Variants in DOCK1 observed in about 807,000 individuals in gnomAD.
The protein encoded by DOCK1 is dedicator of cytokinesis protein 1.
In DOCK1, 138 loss-of-function variants were observed where a neutral mutation model predicts 262.7. That is an observed-to-expected ratio of 0.53 (90% CI 0.46 to 0.61). The LOEUF (loss-of-function observed/expected upper bound fraction) is 0.61, where lower values mean the gene tolerates loss of function less well. DOCK1 is among the 20% of genes least tolerant of loss of function. The pLI, the probability that DOCK1 is intolerant of heterozygous loss-of-function variation, is 0.00. For synonymous variants in DOCK1, 866 were observed against 867.4 expected (o/e 1.00, Z 0.03); for missense variants, 1,908 against 2,370.7 (o/e 0.80, Z 4.05).
intron 22 of DOCK1, among the ~76,000 whole-genome samples, chr10:127,056,347 GGCAGGTGCCA>G (rs1048866064): frequency 2.2e-4 from 33 of 152,246 alleles, no homozygotes; most frequent in African/African-American, 7.0e-4. Context: ...TAGGACTACA[GGCAGGTGCCA>G]GCATGCCTGG....
At chr10:127,141,549 A>G (rs1020205313) in intron 27 of DOCK1, among the ~76,000 whole-genome samples, 19 of 152,164 alleles carry the variant, frequency 1.2e-4, no homozygotes, top group Non-Finnish European at 2.6e-4. Flanking sequence ...CTAAAAATAT[A>G]AAGTTTAGCT....
At chr10:127,024,934 ACC>A in intron 15 of DOCK1, 151 bp downstream of exon 15, 2 of 596,680 alleles carry the variant, frequency 3.4e-6, no homozygotes, top group Non-Finnish European at 5.8e-6. Context: ...TTGCTAAGGA[ACC>A]ACACTGGTGT....
chr10:126,999,404 A>G lies in DOCK1; in HGVS notation c.818A>G (p.Asp273Gly). ...AGTTCAGGATTACCTAAAGACATAG[A>G]CAGATTACATAATTTGCGAGCCGTG... ...WSSSGLPKDI[D>G]RLHNLRAVFT... is the part of the protein sequence containing the mutation. Residue 273 changes from aspartate (D) to glycine (G), a missense_variant, in exon 9 of 52, where the codon GAC becomes GGC. By Grantham distance (94) the Asp-to-Gly change is moderately conservative (BLOSUM62 -1). Transcript: ENST00000623213. 1 of 1,613,548 alleles carries G rather than the reference A, an allele frequency of 6.2e-7. No homozygotes were observed. Among genetic ancestry groups the G allele is most frequent in the Non-Finnish European group, 8.5e-7 (1 of 1,179,716 alleles).
chr10:127,366,748 C>A (rs1327141009), intron 33 of DOCK1, among the ~76,000 whole-genome samples: 1 of 152,200 alleles, frequency 6.6e-6, no homozygotes, highest in Non-Finnish European at 1.5e-5. Flanking sequence ...CTTCTCCATC[C>A]ACGAGCTTCT....
intron 33 of DOCK1, among the ~76,000 whole-genome samples, chr10:127,373,460 G>T (rs2065317514): frequency 6.7e-6 from 1 of 148,986 alleles, no homozygotes; most frequent in South Asian, 2.2e-4. Context: ...TGAAGTTTGA[G>T]ACTTTTTTTC....
chr10:127,331,808 A>G (rs1200743330), intron 29 of DOCK1, among the ~76,000 whole-genome samples: 5 of 152,166 alleles, frequency 3.3e-5, no homozygotes, highest in Non-Finnish European at 7.4e-5. Flanking sequence ...TGGGTGGTAT[A>G]CACGATGTGG....
intron 1 of DOCK1, among the ~76,000 whole-genome samples, chr10:126,965,889 C>T (rs1205149410): frequency 1.3e-5 from 2 of 152,104 alleles, no homozygotes; most frequent in African/African-American, 4.8e-5. Context: ...ATCTTCCTTC[C>T]AGCCATTTAA....
intron 1 of DOCK1, among the ~76,000 whole-genome samples, chr10:126,914,756 G>A (rs188219777): frequency 1.3e-5 from 2 of 152,302 alleles, no homozygotes; most frequent in Admixed American, 6.5e-5. Context: ...GCTAGCTGCT[G>A]TAACAAACAG....
intron 1 of DOCK1, among the ~76,000 whole-genome samples, chr10:126,948,264 AGT>A: frequency 8.5e-5 from 2 of 23,520 alleles, no homozygotes; most frequent in African/African-American, 3.1e-4. Context: ...GGTGGTTGGT[AGT>A]ATTACTGTTG....
chr10:126,940,570 A>AT (rs2034908422), intron 1 of DOCK1, among the ~76,000 whole-genome samples: 2 of 151,998 alleles, frequency 1.3e-5, no homozygotes, highest in African/African-American at 4.8e-5. Flanking sequence ...TGCCCGGCTA[A>AT]TTTTTGTATT....
chr10:127,167,697 G>C (rs2054203482), intron 27 of DOCK1, among the ~76,000 whole-genome samples: 1 of 151,876 alleles, frequency 6.6e-6, no homozygotes, highest in South Asian at 2.1e-4. Context: ...ACAAAATCCA[G>C]GTCTCCTGAC....
At chr10:126,970,847 G>A (rs2038051835) in intron 2 of DOCK1, 62 bp downstream of exon 2, 2 of 1,556,864 alleles carry the variant, frequency 1.3e-6, no homozygotes, top group Non-Finnish European at 1.8e-6. Flanking sequence ...CCTTCTCAGT[G>A]CCTGCTGGGC....
At chr10:127,086,356 T>C (rs1039715355) in intron 23 of DOCK1, among the ~76,000 whole-genome samples, 3 of 152,138 alleles carry the variant, frequency 2.0e-5, no homozygotes, top group East Asian at 1.9e-4. Context: ...TTTGAGTCCT[T>C]ATAACATTTT....
intron 23 of DOCK1, among the ~76,000 whole-genome samples, chr10:127,062,238 C>CT (rs1382799991): frequency 1.3e-5 from 2 of 151,902 alleles, no homozygotes; most frequent in Non-Finnish European, 2.9e-5. Context: ...TGTGCCCGGC[C>CT]TTTTTTTAAT....
Position 127,418,405 on chromosome 10 carries a change from A to T in DOCK1, c.4556A>T (p.Gln1519Leu). 6.2e-7 allele frequency: 1 copy of T among 1,613,778 alleles called. No homozygotes were observed. The highest frequency in any genetic ancestry group is 8.5e-7 in the Non-Finnish European group (1 of 1,179,842). Residue 1519 changes from glutamine to leucine, a missense_variant, in exon 45 of 52, where the codon CAG (glutamine) becomes CTG (leucine). Coordinates refer to ENST00000623213, the MANE Select transcript of DOCK1 (RefSeq NM_001290223.2). ...SPLENAIETMQLTNDKINSMV... is the reference protein window; with the variant it reads ...SPLENAIETMLLTNDKINSMV... ...CTGGAGAATGCCATTGAGACCATGC[A>T]GCTGACGAACGACAAGATCAACAGC...
In DOCK1 at chr10:127,257,319, TG is replaced by T; in HGVS notation, c.2950-15del. 6.4e-7 allele frequency: 1 copy of T among 1,567,376 alleles called. No homozygotes were observed. Among genetic ancestry groups the T allele is most frequent in the Non-Finnish European group, 8.7e-7 (1 of 1,152,340 alleles). On this transcript the variant is annotated splice_polypyrimidine_tract_variant and intron_variant, in intron 28 of 51. Transcript: ENST00000623213. ...TTCTTTGTGGGCCATTTCAGTGTTT[TG>T]TTTTTTTATTTCAGGATTTCCTAAT... is the stretch of plus-strand genomic sequence containing the variant.
chr10:126,991,420 C>T (rs2135012635), intron 6 of DOCK1, among the ~76,000 whole-genome samples: 1 of 152,212 alleles, frequency 6.6e-6, no homozygotes, highest in East Asian at 1.9e-4. Context: ...TCTTCTATTT[C>T]AGAATCACTG....
intron 23 of DOCK1, among the ~76,000 whole-genome samples, chr10:127,085,700 G>T (rs1302810882): frequency 2.0e-5 from 3 of 152,218 alleles, no homozygotes; most frequent in Non-Finnish European, 4.4e-5. Context: ...GGAGGTTGCA[G>T]TGAGCCGAGA....
intron 22 of DOCK1, among the ~76,000 whole-genome samples, chr10:127,059,641 A>G (rs966370205): frequency 2.6e-5 from 4 of 151,998 alleles, no homozygotes; most frequent in Admixed American, 2.6e-4. Context: ...TTTCCAGTTG[A>G]TTTTTTCATA....
Sources: gnomAD v4.1 joint callset for allele counts (sites outside exome capture counted in the v4.1 genomes callset) on GRCh38, gnomAD v4.1.1 for gene constraint, MANE v1.5 for transcripts, NCBI Gene and HGNC (gene_info 2026-07-23, HGNC 2026-07-21) for gene names.